Variants in C16orf96 observed in about 807,000 individuals in gnomAD.
C16orf96 encodes uncharacterized protein C16orf96.
Under a neutral mutation model 103.6 loss-of-function variants are expected in C16orf96, and 108 were observed. That is an observed-to-expected ratio of 1.04 (90% confidence interval 0.89 to 1.22). The LOEUF is 1.22. C16orf96 is among the 50% of genes most tolerant of loss of function. The probability of loss-of-function intolerance (pLI) is 0.00; values close to 1 mark genes in which losing one functional copy is unlikely to be tolerated. For synonymous variants in C16orf96, 566 were observed against 593.5 expected (o/e 0.95, Z 0.67); for missense variants, 1,586 against 1,464.2 (o/e 1.08, Z -1.36).
chr16:4,575,067 G>A lies in C16orf96; in HGVS notation c.693+9G>A, dbSNP rs2059484802. Reference sequence around the variant, plus strand: ...ATGCCATGTTCACCTCAGTGAGTGAGGAAGGAAGGGGAGGTTAGCAGGAAG... The same window carrying A: ...ATGCCATGTTCACCTCAGTGAGTGAAGAAGGAAGGGGAGGTTAGCAGGAAG... On this transcript the variant is annotated intron_variant, in intron 4 of 15. Coordinates refer to ENST00000444310, the MANE Select transcript of C16orf96 (RefSeq NM_001145011.2). The A allele has an allele frequency of 1.9e-6, 3 of 1,551,320 alleles. No homozygotes were observed. The highest frequency in any genetic ancestry group is 1.7e-6 in the Non-Finnish European group (2 of 1,146,990).
At chr16:4,541,672 G>C in the C16orf96 span, among the ~76,000 whole-genome samples, 3 of 152,104 alleles carry the variant, frequency 2.0e-5, no homozygotes, top group African/African-American at 7.2e-5. Context: ...GGTGATTCTG[G>C]TGTTTAAAAT....
chr16:4,598,021 T>C lies in C16orf96; in HGVS notation c.3128-1263T>C, dbSNP rs200240425. Reference sequence around the variant, plus strand: ...CCAGATCTTGATCAGTTTGCTGTTGTCACTCATTTATTTCCCCAAAAGAAC... The same window carrying C: ...CCAGATCTTGATCAGTTTGCTGTTGCCACTCATTTATTTCCCCAAAAGAAC... On this transcript the variant is annotated intron_variant, in intron 14 of 15. Transcript: ENST00000444310. Among the ~76,000 whole-genome samples the C allele has an allele frequency of 2.6e-5, 4 of 152,062 alleles. No individual in the cohort carries two copies. The East Asian group carries it at 7.7e-4, about 29-fold the overall frequency.
At position 4,588,152 on chromosome 16, in the gene C16orf96, T is replaced by C; in HGVS notation, c.2428-15T>C. On this transcript the variant is annotated splice_polypyrimidine_tract_variant and intron_variant, in intron 8 of 15. Coordinates refer to ENST00000444310, the MANE Select transcript of C16orf96 (RefSeq NM_001145011.2). ...TCCCAGCAGCCATGCCTCCCTGAAC[T>C]CCCTGTCTCCCTAGAAAGCTGACAG... The C allele has an allele frequency of 6.5e-7, 1 of 1,547,842 alleles. No individual in the cohort carries two copies. The highest frequency in any genetic ancestry group is 8.7e-7 in the Non-Finnish European group (1 of 1,144,852).
At position 4,576,524 on chromosome 16, in the gene C16orf96, G is replaced by A. The variant is rs1000115649; in HGVS notation, c.2044G>A (p.Ala682Thr). 10 of 1,551,468 alleles carry A rather than the reference G, an allele frequency of 6.4e-6. No individual in the cohort carries two copies. The highest frequency in any genetic ancestry group is 2.0e-5 in the Admixed American group (1 of 50,980). The change falls in exon 5 of 16, where the codon GCT becomes ACT. Residue 682 changes from alanine to threonine, a missense_variant. Coordinates refer to ENST00000444310, the MANE Select transcript of C16orf96 (RefSeq NM_001145011.2). ...CATGAGCCCTGAAGACAAGAAGAGGGCTGTCAAGTATTCCATGAGCCACAT... is the reference window on the plus strand; with the variant it reads ...CATGAGCCCTGAAGACAAGAAGAGGACTGTCAAGTATTCCATGAGCCACAT... The part of the protein sequence containing the change: ...QAMSPEDKKR[A>T]VKYSMSHIAQ...
chr16:4,541,599 A>G, the C16orf96 span, among the ~76,000 whole-genome samples: 3 of 152,158 alleles, frequency 2.0e-5, no homozygotes, highest in Non-Finnish European at 4.4e-5. Flanking sequence ...AGCGCTGCCT[A>G]CAAGTCTCCT....
chr16:4,538,969 A>G, the C16orf96 span: 2 of 152,180 alleles, frequency 1.3e-5, no homozygotes, highest in African/African-American at 4.8e-5. Flanking sequence ...GAGAATAGGG[A>G]AAGAACCGTC....
chr16:4,599,519 G>T (rs973001995), intron 15 of C16orf96, among the ~76,000 whole-genome samples, 155 bp downstream of exon 15: 2 of 152,158 alleles, frequency 1.3e-5, no homozygotes, highest in African/African-American at 4.8e-5. Flanking sequence ...CTTCAGAGAT[G>T]ATTCCTGGCC....
chr16:4,596,657 G>C (rs557036573), intron 14 of C16orf96, among the ~76,000 whole-genome samples: 1 of 150,040 alleles, frequency 6.7e-6, no homozygotes, highest in African/African-American at 2.4e-5. Context: ...ACTCCAGCCT[G>C]GGCGACAGAG....
intron 1 of C16orf96, among the ~76,000 whole-genome samples, chr16:4,571,217 C>T (rs1005531530): frequency 6.6e-6 from 1 of 152,036 alleles, no homozygotes; most frequent in Non-Finnish European, 1.5e-5. Flanking sequence ...CCCTGTCTCT[C>T]CTGCTCCTGA....
intron 15 of C16orf96, among the ~76,000 whole-genome samples, chr16:4,599,592 C>T (rs1266522297): frequency 5.3e-5 from 8 of 152,222 alleles, no homozygotes; most frequent in Non-Finnish European, 8.8e-5. Flanking sequence ...GCTGCAGGGG[C>T]GGCAACAAGG....
chr16:4,588,297 C>T lies in C16orf96; in HGVS notation c.2558C>T (p.Ala853Val). 2 of 1,551,654 alleles carry T rather than the reference C, an allele frequency of 1.3e-6. No homozygotes were observed. ...VTIHEDSWKK[A>V]MEELSKDVNT... ...ATCCATGAGGACAGCTGGAAGAAGGCTATGGAGGAGCTCAGCAAGGACGTG... is the reference window on the plus strand; with the variant it reads ...ATCCATGAGGACAGCTGGAAGAAGGTTATGGAGGAGCTCAGCAAGGACGTG... The change falls in exon 9 of 16, where the codon GCT (alanine) becomes GTT (valine). Residue 853 changes from alanine (A) to valine (V), a missense_variant. Ala to Val is a moderately conservative substitution (Grantham distance 64, BLOSUM62 0). Transcript: ENST00000444310.
intron 1 of C16orf96, among the ~76,000 whole-genome samples, chr16:4,565,162 A>C (rs1338505897): frequency 6.6e-6 from 1 of 152,042 alleles, no homozygotes; most frequent in Non-Finnish European, 1.5e-5. Flanking sequence ...GCATCCTTAA[A>C]GCCCTCTTGA....
chr16:4,548,651 T>A, the C16orf96 span, among the ~76,000 whole-genome samples: 1 of 152,200 alleles, frequency 6.6e-6, no homozygotes, highest in East Asian at 1.9e-4. Flanking sequence ...GGCAGGTGGA[T>A]CACCTGAGGT....
intron 15 of C16orf96, 102 bp downstream of exon 15, chr16:4,599,466 GTCCACCTCCTCCACC>G (rs1330056831): frequency 9.8e-7 from 1 of 1,019,428 alleles, no homozygotes; most frequent in Non-Finnish European, 1.5e-6. Context: ...GGGCTCTCCT[GTCCACCTCCTCCACC>G]TCCTGCCTGC....
chr16:4,547,697 T>TTTCTTTCTTTCTTTCTTTCA, the C16orf96 span, among the ~76,000 whole-genome samples: 1 of 34,744 alleles, frequency 2.9e-5, no homozygotes, highest in Non-Finnish European at 7.0e-5. Context: ...TCCTTCTTTC[T>TTTCTTTCTTTCTTTCTTTCA]TTCTTTCTTT....
At chr16:4,558,473 G>C (rs903388256) in intron 1 of C16orf96, among the ~76,000 whole-genome samples, 5 of 152,032 alleles carry the variant, frequency 3.3e-5, no homozygotes, top group African/African-American at 1.2e-4. Flanking sequence ...AAATTAGCCG[G>C]GTGTGGTGGC....
the C16orf96 span, among the ~76,000 whole-genome samples, chr16:4,542,572 A>G: frequency 6.6e-6 from 1 of 152,102 alleles, no homozygotes; most frequent in Admixed American, 6.6e-5. Flanking sequence ...CAAGGTGGGC[A>G]GATCACCTGA....
intron 7 of C16orf96, among the ~76,000 whole-genome samples, chr16:4,581,720 C>T (rs1037039219): frequency 1.3e-5 from 2 of 152,004 alleles, no homozygotes; most frequent in Non-Finnish European, 2.9e-5. Context: ...AGGCTTAAAC[C>T]TGTAATGAGG....
the C16orf96 span, among the ~76,000 whole-genome samples, chr16:4,542,461 A>G: frequency 2.6e-5 from 4 of 152,252 alleles, no homozygotes; most frequent in Non-Finnish European, 5.9e-5. Flanking sequence ...TTAATAATAC[A>G]TTTAACTCAA....
Sources: gnomAD v4.1 joint callset for allele counts (sites outside exome capture counted in the v4.1 genomes callset) on GRCh38, gnomAD v4.1.1 for gene constraint, MANE v1.5 for transcripts, NCBI Gene and HGNC (gene_info 2026-07-23, HGNC 2026-07-21) for gene names.